The following WDPCP variants were observed in gnomAD, a reference collection of about 807,000 sequenced individuals.
WDPCP encodes the protein WD repeat-containing and planar cell polarity effector protein fritz homolog.
WDPCP carries 71 observed loss-of-function variants against 93.1 expected under a neutral mutation model. The observed-to-expected ratio is 0.76, with a 90% CI of 0.63 to 0.93. WDPCP has a LOEUF of 0.93. WDPCP is among the 40% of genes least tolerant of loss of function. The pLI, the probability that WDPCP is intolerant of heterozygous loss-of-function variation, is 0.00. For missense variants in WDPCP, 844 were observed against 887.4 expected (o/e 0.95, Z 0.62); for synonymous variants, 315 against 315.0 (o/e 1.00, Z 0.00).
At chr2:63,174,322 A>C (rs1673632915) in intron 15 of WDPCP, among the ~76,000 whole-genome samples, 1 of 152,044 alleles carries the variant, frequency 6.6e-6, no homozygotes, top group South Asian at 2.1e-4. Flanking sequence ...GCATTAAATA[A>C]ATATTATATA....
chr2:63,401,461 G>A (rs1014582304), intron 10 of WDPCP, among the ~76,000 whole-genome samples: 5 of 152,144 alleles, frequency 3.3e-5, no homozygotes, highest in African/African-American at 1.2e-4. Flanking sequence ...TCTCACATCA[G>A]TCAGAATGGT....
intron 3 of WDPCP, among the ~76,000 whole-genome samples, chr2:63,640,233 C>T (rs1412403287): frequency 6.6e-6 from 1 of 152,208 alleles, no homozygotes. Context: ...TGGTGTCGAT[C>T]TCCTGACCTT....
At chr2:63,138,673 C>T (rs576987819) in intron 17 of WDPCP, among the ~76,000 whole-genome samples, 50 of 152,110 alleles carry the variant, frequency 3.3e-4, no homozygotes, top group Admixed American at 7.2e-4. Context: ...AGGATGGTCT[C>T]GATCTCCTGA....
chr2:63,591,444 C>T (rs1435519650), upstream of WDPCP, among the ~76,000 whole-genome samples: 1 of 152,246 alleles, frequency 6.6e-6, no homozygotes, highest in Non-Finnish European at 1.5e-5. Flanking sequence ...GTGGAATTAA[C>T]TGTTCATTAG....
intron 2 of WDPCP, among the ~76,000 whole-genome samples, chr2:63,742,047 C>A (rs558749889): frequency 6.6e-6 from 1 of 152,036 alleles, no homozygotes; most frequent in Non-Finnish European, 1.5e-5. Context: ...AGATCTCAAT[C>A]ATGTGTGCTT....
chr2:63,542,977 C>T (rs1704857442), intron 1 of WDPCP, among the ~76,000 whole-genome samples: 1 of 151,830 alleles, frequency 6.6e-6, no homozygotes, highest in African/African-American at 2.4e-5. Flanking sequence ...GAAACATTAC[C>T]TCAAAATAAA....
intron 6 of WDPCP, among the ~76,000 whole-genome samples, chr2:63,459,873 C>T (rs7576264): frequency 0.086 from 13,058 of 151,266 alleles, 1,775 homozygotes; most frequent in African/African-American, 0.29. Flanking sequence ...GGTGAGATTG[C>T]GCCACTGTAC....
At chr2:63,669,022 C>T (rs1710316058) in intron 2 of WDPCP, among the ~76,000 whole-genome samples, 1 of 152,172 alleles carries the variant, frequency 6.6e-6, no homozygotes, top group African/African-American at 2.4e-5. Context: ...CCGAGTTACA[C>T]AAAACACTAA....
At chr2:63,812,633 G>A (rs1007536313) in intron 2 of WDPCP, among the ~76,000 whole-genome samples, 1 of 151,860 alleles carries the variant, frequency 6.6e-6, no homozygotes, top group African/African-American at 2.4e-5. Context: ...TTGCAGCCTC[G>A]TGAGACCTTA....
At chr2:63,457,465 T>A (rs1698701682) in intron 6 of WDPCP, among the ~76,000 whole-genome samples, 2 of 152,148 alleles carry the variant, frequency 1.3e-5, no homozygotes, top group Admixed American at 6.5e-5. Flanking sequence ...GAGTCCAGCA[T>A]TACCATGATA....
chr2:63,566,225 C>T (rs563082097), intron 1 of WDPCP, among the ~76,000 whole-genome samples: 5 of 152,214 alleles, frequency 3.3e-5, no homozygotes, highest in Admixed American at 6.5e-5. Flanking sequence ...TTAGGGCAAA[C>T]CTGCCTCTCA....
At chr2:63,208,562 T>C (rs1454512736) in intron 14 of WDPCP, among the ~76,000 whole-genome samples, 2 of 152,212 alleles carry the variant, frequency 1.3e-5, no homozygotes, top group Non-Finnish European at 2.9e-5. Flanking sequence ...TAAGCATTTA[T>C]AGGATCCAGA....
chr2:63,834,712 G>A, the WDPCP span, among the ~76,000 whole-genome samples: 1 of 152,176 alleles, frequency 6.6e-6, no homozygotes, highest in Non-Finnish European at 1.5e-5. Context: ...AAGGTGAAGA[G>A]TGGTATGTTC....
chr2:63,608,652 A>T (rs957815993), intron 3 of WDPCP, among the ~76,000 whole-genome samples: 1 of 151,916 alleles, frequency 6.6e-6, no homozygotes, highest in Non-Finnish European at 1.5e-5. Flanking sequence ...CTACAAAAAA[A>T]TTTAAAAATT....
chr2:63,702,769 G>C lies in WDPCP; in HGVS notation n.309-51931C>G, dbSNP rs549237438. The stretch of plus-strand genomic sequence containing the variant: ...AAGTTTTAGGGTACATGTGCACAAC[G>C]TGCAGGTTTGTTACATATGTATACA... On this transcript the variant is annotated intron_variant and non_coding_transcript_variant, in intron 2 of 4. Coordinates refer to the WDPCP transcript ENST00000467687. 7.2e-4 allele frequency among the ~76,000 whole-genome samples: 107 copies of C among 149,044 alleles called. 1 individual carries two copies. In the South Asian group the frequency reaches 0.023, roughly 31 times the overall value.
chr2:63,353,874 T>C lies in WDPCP; in HGVS notation c.1748+24512A>G, dbSNP rs531275841. On this transcript the variant is annotated intron_variant, in intron 12 of 17. Coordinates refer to ENST00000272321, the MANE Select transcript of WDPCP (RefSeq NM_015910.7). ...GGCCCCCAGAATACTGCAGCAGCCC[T>C]ATAGAAAAGTGGCCAAACTGTTATA... Among the ~76,000 whole-genome samples, 5 of 152,234 alleles carry C rather than the reference T, an allele frequency of 3.3e-5. No homozygotes were observed. In the South Asian group the frequency reaches 1.0e-3, roughly 32 times the overall value.
intron 4 of WDPCP, among the ~76,000 whole-genome samples, chr2:63,486,098 T>C (rs889838809): frequency 6.6e-5 from 10 of 151,764 alleles, no homozygotes; most frequent in East Asian, 3.9e-4. Context: ...CCGTATTACA[T>C]TGTCGCCATA....
chr2:63,756,004 A>G (rs112750602), intron 2 of WDPCP, among the ~76,000 whole-genome samples: 7 of 152,354 alleles, frequency 4.6e-5, no homozygotes, highest in African/African-American at 1.7e-4. Context: ...ATATTGAACC[A>G]AAAGATTTTT....
At chr2:63,334,666 G>T (rs1237852119) in intron 12 of WDPCP, among the ~76,000 whole-genome samples, 1 of 152,048 alleles carries the variant, frequency 6.6e-6, no homozygotes, top group South Asian at 2.1e-4. Flanking sequence ...TGAGTTTGGG[G>T]CCCCAAGATT....
Sources: gnomAD v4.1 joint callset for allele counts (sites outside exome capture counted in the v4.1 genomes callset) on GRCh38, gnomAD v4.1.1 for gene constraint, MANE v1.5 for transcripts, NCBI Gene and HGNC (gene_info 2026-07-23, HGNC 2026-07-21) for gene names.